The following GPC6 variants were observed in gnomAD, a reference collection of about 807,000 sequenced individuals.
GPC6 encodes glypican 6, also known as glypican-6.
In GPC6, 14 loss-of-function variants were observed where a neutral mutation model predicts 55.2. The observed-to-expected ratio is 0.25, with a 90% CI of 0.17 to 0.40. The LOEUF is 0.40. Among genes scored for constraint, GPC6 ranks in the 10% least tolerant of loss-of-function variants. GPC6 has a pLI of 1.00. For missense variants in GPC6, 641 were observed against 708.5 expected (o/e 0.90, Z 1.08); for synonymous variants, 278 against 259.6 (o/e 1.07, Z -0.68).
chr13:93,321,064 T>A (rs1009407151), intron 1 of GPC6, among the ~76,000 whole-genome samples: 2 of 152,166 alleles, frequency 1.3e-5, no homozygotes, highest in African/African-American at 4.8e-5. Context: ...CTATCAAAGT[T>A]TCATGGGATG....
intron 4 of GPC6, among the ~76,000 whole-genome samples, chr13:94,071,242 A>C (rs1884722295): frequency 6.6e-6 from 1 of 152,184 alleles, no homozygotes; most frequent in African/African-American, 2.4e-5. Flanking sequence ...TCAATGATGA[A>C]TAGTCTTTCG....
intron 2 of GPC6, among the ~76,000 whole-genome samples, chr13:93,793,853 C>T (rs1040038840): frequency 6.6e-6 from 1 of 152,214 alleles, no homozygotes; most frequent in African/African-American, 2.4e-5. Context: ...TATTTTTACT[C>T]TGCTAGGAAA....
intron 2 of GPC6, among the ~76,000 whole-genome samples, chr13:93,695,092 T>C (rs1282099885): frequency 6.6e-6 from 1 of 152,120 alleles, no homozygotes; most frequent in African/African-American, 2.4e-5. Flanking sequence ...CTTGTTCAAT[T>C]AGAAAATAGT....
chr13:93,736,108 T>C (rs1225612877), intron 2 of GPC6, among the ~76,000 whole-genome samples: 1 of 152,220 alleles, frequency 6.6e-6, no homozygotes, highest in Non-Finnish European at 1.5e-5. Flanking sequence ...GAAGAGTTTA[T>C]CATCTTTCTT....
intron 2 of GPC6, among the ~76,000 whole-genome samples, chr13:93,672,290 C>G (rs1008178222): frequency 6.6e-6 from 1 of 151,086 alleles, no homozygotes; most frequent in African/African-American, 2.4e-5. Context: ...AAATGTATTG[C>G]AGCTCATATT....
chr13:94,362,512 T>A (rs1879103452), intron 6 of GPC6, among the ~76,000 whole-genome samples: 1 of 152,124 alleles, frequency 6.6e-6, no homozygotes, highest in South Asian at 2.1e-4. Flanking sequence ...TGGAACAATC[T>A]ACAGTTTTAT....
At chr13:93,930,776 C>T (rs1459671827) in intron 3 of GPC6, among the ~76,000 whole-genome samples, 1 of 151,724 alleles carries the variant, frequency 6.6e-6, no homozygotes, top group Non-Finnish European at 1.5e-5. Flanking sequence ...TATATAAGTC[C>T]ATTTGTGGAC....
intron 2 of GPC6, among the ~76,000 whole-genome samples, chr13:93,763,456 A>G (rs773176697): frequency 1.3e-5 from 2 of 152,162 alleles, no homozygotes; most frequent in East Asian, 1.9e-4. Context: ...ATCCTCTCAT[A>G]TCATAGGACT....
intron 5 of GPC6, among the ~76,000 whole-genome samples, chr13:94,286,936 T>C (rs1892549045): frequency 6.6e-6 from 1 of 152,250 alleles, no homozygotes; most frequent in Non-Finnish European, 1.5e-5. Flanking sequence ...TTTAAGACTA[T>C]GGTGTAACTT....
At chr13:94,095,871 T>G (rs1885637556) in intron 4 of GPC6, among the ~76,000 whole-genome samples, 1 of 152,140 alleles carries the variant, frequency 6.6e-6, no homozygotes, top group Admixed American at 6.5e-5. Context: ...ATGGGGATGA[T>G]GTTTACTAAT....
intron 4 of GPC6, among the ~76,000 whole-genome samples, chr13:94,031,511 C>T (rs1301950236): frequency 6.6e-6 from 1 of 152,096 alleles, no homozygotes; most frequent in Non-Finnish European, 1.5e-5. Context: ...AGGAGAGTGG[C>T]TTTTAGCCTA....
At chr13:93,718,142 G>C (rs764623736) in intron 2 of GPC6, among the ~76,000 whole-genome samples, 4 of 151,734 alleles carry the variant, frequency 2.6e-5, no homozygotes, top group Non-Finnish European at 5.9e-5. Context: ...GGAATTGCTG[G>C]GTCAAATGGT....
intron 6 of GPC6, among the ~76,000 whole-genome samples, chr13:94,375,649 A>T (rs1323125363): frequency 6.8e-6 from 1 of 146,940 alleles, no homozygotes. Context: ...TTCCTTCTGA[A>T]ACTATTCCAA....
At chr13:93,610,559 T>C (rs1201539951) in intron 2 of GPC6, among the ~76,000 whole-genome samples, 1 of 152,138 alleles carries the variant, frequency 6.6e-6, no homozygotes, top group Non-Finnish European at 1.5e-5. Flanking sequence ...TGTTGGAGGA[T>C]ATACATATAT....
At chr13:93,533,540 T>C (rs1363419900) in intron 1 of GPC6, among the ~76,000 whole-genome samples, 1 of 152,186 alleles carries the variant, frequency 6.6e-6, no homozygotes, top group African/African-American at 2.4e-5. Context: ...ATAGACTGTA[T>C]ACTCTGAAGA....
At chr13:94,046,589 A>G (rs1883739949) in intron 4 of GPC6, among the ~76,000 whole-genome samples, 1 of 152,132 alleles carries the variant, frequency 6.6e-6, no homozygotes, top group African/African-American at 2.4e-5. Context: ...CTTTCCCCTC[A>G]TTGACCAATA....
intron 3 of GPC6, among the ~76,000 whole-genome samples, chr13:93,889,518 A>C (rs1238226944): frequency 7.9e-5 from 12 of 151,932 alleles, no homozygotes; most frequent in Admixed American, 6.6e-4. Flanking sequence ...GGAAGAAAAA[A>C]CCCTTTTTAA....
intron 4 of GPC6, among the ~76,000 whole-genome samples, chr13:94,209,465 A>AT (rs1194046331): frequency 6.6e-6 from 1 of 152,218 alleles, no homozygotes; most frequent in Non-Finnish European, 1.5e-5. Context: ...GTAAATCTAT[A>AT]TTTAGTCAGT....
At chr13:93,704,852 G>A (rs979085821) in intron 2 of GPC6, among the ~76,000 whole-genome samples, 12 of 152,062 alleles carry the variant, frequency 7.9e-5, no homozygotes, top group African/African-American at 2.9e-4. Flanking sequence ...GATCTGGTTG[G>A]ATCTTGTAAT....
Sources: gnomAD v4.1 joint callset for allele counts (sites outside exome capture counted in the v4.1 genomes callset) on GRCh38, gnomAD v4.1.1 for gene constraint, MANE v1.5 for transcripts, NCBI Gene and HGNC (gene_info 2026-07-23, HGNC 2026-07-21) for gene names.